SHQ1: variants seen among roughly 807,000 people sequenced by gnomAD.
SHQ1 encodes protein SHQ1 homolog.
In SHQ1, 49 loss-of-function variants were observed where a neutral mutation model predicts 53.8. That is an observed-to-expected ratio of 0.91 (90% confidence interval 0.72 to 1.16). SHQ1 has a LOEUF of 1.16. Among genes scored for constraint, SHQ1 ranks in the 50% most tolerant of loss-of-function variants. The pLI is 0.00. For missense variants in SHQ1, 738 were observed against 683.1 expected, an observed-to-expected ratio of 1.08 and a Z score of -0.90; for synonymous variants, 243 against 251.0, an observed-to-expected ratio of 0.97 and a Z score of 0.30.
intron 10 of SHQ1, chr3:72,772,630 C>T (rs1001718693): frequency 5.5e-5 from 39 of 703,616 alleles, no homozygotes; most frequent in Non-Finnish European, 1.0e-4. Context: ...TATTATTGTA[C>T]AAAAGGAAAC....
At chr3:72,725,349 A>T in the SHQ1 span, among the ~76,000 whole-genome samples, 3 of 152,124 alleles carry the variant, frequency 2.0e-5, no homozygotes, top group Non-Finnish European at 4.4e-5. Flanking sequence ...CCAGCATGGC[A>T]GCCTCCTTGC....
chr3:72,826,166 A>G (rs1011030136), intron 5 of SHQ1, among the ~76,000 whole-genome samples: 1 of 152,256 alleles, frequency 6.6e-6, no homozygotes, highest in Non-Finnish European at 1.5e-5. Context: ...AATAAAGTAC[A>G]TATTAGACAA....
intron 4 of SHQ1, among the ~76,000 whole-genome samples, chr3:72,839,192 T>C (rs1708086787): frequency 1.3e-5 from 2 of 152,224 alleles, no homozygotes; most frequent in Admixed American, 1.3e-4. Context: ...GTGACATTTA[T>C]TATCATTCAT....
chr3:72,750,417 A>C lies in SHQ1; in HGVS notation c.1601T>G (p.Val534Gly). The C allele has an allele frequency of 6.2e-7, 1 of 1,613,832 alleles. No individual in the cohort carries two copies. Among genetic ancestry groups the C allele is most frequent in the East Asian group, 2.2e-5 (1 of 44,866 alleles). Reference protein sequence around the residue: ...KPLASSWPLGVSGPLIEELGE... With the variant: ...KPLASSWPLGGSGPLIEELGE... ...AAGCTCCTCTATCAGAGGCCCAGACACTCCAAGAGGCCAGGAAGAGGCAAG... is the reference window on the plus strand; with the variant it reads ...AAGCTCCTCTATCAGAGGCCCAGACCCTCCAAGAGGCCAGGAAGAGGCAAG... Residue 534 changes from valine to glycine, a missense_variant, in exon 11 of 11, where the codon GTG becomes GGG. Physicochemically the swap from Val to Gly is moderately radical, Grantham distance 109 (BLOSUM62 -3). Transcript: ENST00000325599.
chr3:72,738,342 T>G, the SHQ1 span, among the ~76,000 whole-genome samples: 1 of 152,216 alleles, frequency 6.6e-6, no homozygotes, highest in Non-Finnish European at 1.5e-5. Flanking sequence ...GCTAGGCACC[T>G]GAGGGCTGTT....
chr3:72,726,682 A>G, the SHQ1 span, among the ~76,000 whole-genome samples: 2 of 152,174 alleles, frequency 1.3e-5, no homozygotes, highest in Non-Finnish European at 2.9e-5. Context: ...AATACAGGAA[A>G]GCGGTGCTCA....
intron 5 of SHQ1, among the ~76,000 whole-genome samples, chr3:72,829,150 T>A (rs1388979481): frequency 2.0e-5 from 3 of 151,946 alleles, no homozygotes; most frequent in Non-Finnish European, 4.4e-5. Context: ...CTAACCTGGG[T>A]GAATAGAGTG....
chr3:72,770,204 ATG>A (rs1401485752), intron 10 of SHQ1, among the ~76,000 whole-genome samples: 1 of 152,214 alleles, frequency 6.6e-6, no homozygotes, highest in African/African-American at 2.4e-5. Context: ...AACAAATTGC[ATG>A]TGTTAGCTCA....
At chr3:72,776,699 A>T (rs1043423921) in intron 10 of SHQ1, among the ~76,000 whole-genome samples, 2 of 152,228 alleles carry the variant, frequency 1.3e-5, no homozygotes, top group East Asian at 3.8e-4. Flanking sequence ...AGAGAGTCAT[A>T]CCATATTATT....
chr3:72,830,177 A>G (rs1437916100), intron 5 of SHQ1, among the ~76,000 whole-genome samples: 1 of 152,096 alleles, frequency 6.6e-6, no homozygotes, highest in Non-Finnish European at 1.5e-5. Flanking sequence ...CTTTTAAATA[A>G]CAATCTAAAA....
At chr3:72,744,925 G>A (rs867763713), downstream of SHQ1, among the ~76,000 whole-genome samples, 3 of 118,958 alleles carry the variant, frequency 2.5e-5, no homozygotes, top group Non-Finnish European at 4.8e-5. Context: ...TGATACATTG[G>A]GGGGGGGGGG....
rs1047468662 is a variant in SHQ1 at position 72,848,061 on chromosome 3, G to A, written c.143+137C>T. 34 of 1,057,394 alleles carry A rather than the reference G, an allele frequency of 3.2e-5. No individual in the cohort carries two copies. The Admixed American group carries it at 6.8e-4, about 21-fold the overall frequency. The allele number at this position is 1,057,394 out of a possible 1,614,324, so 65.5% of individuals were successfully genotyped here. ...CACCCCTGGAAGAGGGCAGTTCCCT[G>A]GCACCAAGAGAAGCTGCGGAAACGT... On this transcript the variant is annotated intron_variant, in intron 1 of 10. Transcript: ENST00000325599.
At chr3:72,773,434 C>G (rs185913794) in intron 10 of SHQ1, 2 of 406,208 alleles carry the variant, frequency 4.9e-6, no homozygotes, top group Admixed American at 7.4e-5. Context: ...ATCCCCATCA[C>G]CAAAATCGGA....
the SHQ1 span, among the ~76,000 whole-genome samples, chr3:72,734,805 C>A: frequency 1.3e-5 from 2 of 151,600 alleles, no homozygotes; most frequent in Non-Finnish European, 2.9e-5. Context: ...CAGGGATCGT[C>A]GCACTATTGC....
At chr3:72,844,454 C>T in intron 1 of SHQ1, 31 bp from the exon 2 acceptor site, 1 of 1,570,110 alleles carries the variant, frequency 6.4e-7, no homozygotes, top group Admixed American at 1.7e-5. Context: ...TCATGAAGTC[C>T]TTAAATTATA....
chr3:72,750,030 G>A lies in SHQ1; in HGVS notation c.*254C>T, dbSNP rs1575671372. On this transcript the variant is annotated 3_prime_UTR_variant, in exon 11 of 11. Transcript: ENST00000325599. ...TATTACCCAATACAATGTAAATGCT[G>A]TGGAAATAGTTGTCATACTGTATTA... The A allele has an allele frequency of 4.3e-6, 2 of 467,180 alleles. No homozygotes were observed. The highest frequency in any genetic ancestry group is 3.7e-5 in the East Asian group (1 of 27,076). 28.9% of individuals were successfully genotyped at this position (467,180 alleles called of 1,614,324 possible). A position where few individuals can be genotyped will look rare whatever the true frequency, so the allele number is the denominator to read the frequency against.
At chr3:72,813,444 CAAT>C (rs1234253202) in intron 8 of SHQ1, among the ~76,000 whole-genome samples, 5 of 104,282 alleles carry the variant, frequency 4.8e-5, no homozygotes, top group East Asian at 3.3e-4. Flanking sequence ...CCAGCCTGGA[CAAT>C]AGAGTGAGAC....
At chr3:72,794,901 T>A (rs1575698977) in intron 9 of SHQ1, 1 of 152,160 alleles carries the variant, frequency 6.6e-6, no homozygotes, top group Non-Finnish European at 1.5e-5. Context: ...CCATAACCTC[T>A]CCTGTTCAAT....
chr3:72,796,995 T>C (rs1371836011), intron 9 of SHQ1, among the ~76,000 whole-genome samples: 1 of 148,108 alleles, frequency 6.8e-6, no homozygotes, highest in Non-Finnish European at 1.5e-5. Context: ...CAGTGGCTCA[T>C]GCTTGTAATC....
Sources: gnomAD v4.1 joint callset for allele counts (sites outside exome capture counted in the v4.1 genomes callset) on GRCh38, gnomAD v4.1.1 for gene constraint, MANE v1.5 for transcripts, NCBI Gene and HGNC (gene_info 2026-07-23, HGNC 2026-07-21) for gene names.